INPP5A: variants seen among roughly 807,000 people sequenced by gnomAD.
The protein encoded by INPP5A is 43 kDa inositol polyphosphate 5-phophatase.
INPP5A carries 14 observed loss-of-function variants against 65.2 expected under a neutral mutation model. The ratio of observed to expected loss-of-function variants is 0.21; its 90% CI spans 0.14 to 0.34. The LOEUF (loss-of-function observed/expected upper bound fraction) is 0.34, where lower values mean the gene tolerates loss of function less well. Ranked by LOEUF, INPP5A falls within the 10% of genes least tolerant of loss-of-function variation. The pLI, the probability that INPP5A is intolerant of heterozygous loss-of-function variation, is 1.00. For synonymous variants in INPP5A, 207 were observed against 208.3 expected (o/e 0.99, Z 0.05); for missense variants, 431 against 545.6 (o/e 0.79, Z 2.09).
intron 2 of INPP5A, among the ~76,000 whole-genome samples, chr10:132,632,961 C>T (rs1189608601): frequency 6.6e-6 from 1 of 152,220 alleles, no homozygotes; most frequent in South Asian, 2.1e-4. Flanking sequence ...AGGGCAGTCC[C>T]AGGGCCTCGC....
chr10:132,754,797 T>C (rs958215034), intron 11 of INPP5A, among the ~76,000 whole-genome samples: 2 of 152,222 alleles, frequency 1.3e-5, no homozygotes, highest in South Asian at 2.1e-4. Context: ...GCCTGCTCCT[T>C]CTTCCTGGAG....
chr10:132,542,402 G>A (rs897476624), intron 1 of INPP5A, among the ~76,000 whole-genome samples: 22 of 152,102 alleles, frequency 1.4e-4, no homozygotes, highest in Non-Finnish European at 1.5e-5. Flanking sequence ...TATGGAGTCG[G>A]TGATGGTCAG....
intron 11 of INPP5A, among the ~76,000 whole-genome samples, chr10:132,760,232 C>T (rs1846707559): frequency 6.6e-6 from 1 of 152,272 alleles, no homozygotes; most frequent in South Asian, 2.1e-4. Context: ...TGGTAAGGCA[C>T]AGCCCGGGCC....
chr10:132,782,122 A>G lies in INPP5A; in HGVS notation c.*93A>G. 3 of 1,531,296 alleles carry G rather than the reference A, an allele frequency of 2.0e-6. No individual in the cohort carries two copies. The highest frequency in any genetic ancestry group is 2.5e-5 in the East Asian group (1 of 39,786). 94.9% of individuals were successfully genotyped at this position (1,531,296 alleles called of 1,614,324 possible). On this transcript the variant is annotated 3_prime_UTR_variant, in exon 16 of 16. Coordinates refer to ENST00000368594, the MANE Select transcript of INPP5A (RefSeq NM_005539.5). This position sits in a 1 kb window ranked among gnomAD's most constrained non-coding sequence, Gnocchi z 4.4. ...ATACGCACTCTTGAAAGCTGCATCG[A>G]GAACCCGCCCAAGCGCCACCTGCTA...
chr10:132,724,584 C>G (rs373369141), intron 8 of INPP5A, among the ~76,000 whole-genome samples: 1 of 151,738 alleles, frequency 6.6e-6, no homozygotes, highest in Non-Finnish European at 1.5e-5. Flanking sequence ...CCAGAACTCA[C>G]AAGGAGGCCC....
At position 132,584,333 on chromosome 10, in the gene INPP5A, G is replaced by A. The variant is rs543185543; in HGVS notation, c.76-23582G>A. Among the ~76,000 whole-genome samples, 62 of 152,298 alleles carry A rather than the reference G, an allele frequency of 4.1e-4. 2 individuals are homozygous for A. The South Asian group carries it at 0.012, about 30-fold the overall frequency. ...GATTGATGCTGTTTCTTCTTTAGGT[G>A]TTTAATGGAATTTACCAGTGAAACC... On this transcript the variant is annotated intron_variant, in intron 1 of 15. Transcript: ENST00000368594.
In INPP5A at chr10:132,545,036, G is replaced by A. The variant is rs967990757; in HGVS notation, c.75+6865G>A. On this transcript the variant is annotated intron_variant, in intron 1 of 15. Transcript: ENST00000368594. This position sits in a 1 kb window ranked among gnomAD's most constrained non-coding sequence, Gnocchi z 4.6. ...GTGTTGGGAGAATGTCTGCACGTAG[G>A]CGTGGTCACGTCCGTCCCTGTTGCC... Among the ~76,000 whole-genome samples the A allele has an allele frequency of 4.6e-5, 7 of 152,188 alleles. No homozygotes were observed. The highest frequency in any genetic ancestry group is 1.2e-4 in the African/African-American group (5 of 41,434).
Position 132,710,497 on chromosome 10 carries a change from G to C in INPP5A, c.647+41G>C, listed in dbSNP as rs376034352. 23 of 1,600,160 alleles carry C rather than the reference G, an allele frequency of 1.4e-5. No individual in the cohort carries two copies. In the Admixed American group the frequency reaches 2.4e-4, roughly 17 times the overall value. Reference sequence around the variant, plus strand: ...CAGGTAGGCGTGGGCCGGGCAAGTAGGTGTGCTGGGCAGGCAGGTGTGAGT... The same window carrying C: ...CAGGTAGGCGTGGGCCGGGCAAGTACGTGTGCTGGGCAGGCAGGTGTGAGT... On this transcript the variant is annotated intron_variant, in intron 8 of 15. Transcript: ENST00000368594.
chr10:132,672,080 G>A (rs571101088), intron 4 of INPP5A, among the ~76,000 whole-genome samples: 30 of 152,348 alleles, frequency 2.0e-4, no homozygotes, highest in African/African-American at 7.2e-4. Context: ...TCCCAAGGAT[G>A]TAGGGAGAGA....
chr10:132,711,488 G>A (rs1296275162), intron 8 of INPP5A, among the ~76,000 whole-genome samples: 1 of 152,162 alleles, frequency 6.6e-6, no homozygotes, highest in East Asian at 1.9e-4. Flanking sequence ...ATGAACACAG[G>A]CCTGAGACCA....
At chr10:132,567,706 CT>C (rs1220370370) in intron 1 of INPP5A, among the ~76,000 whole-genome samples, 1 of 152,230 alleles carries the variant, frequency 6.6e-6, no homozygotes, top group African/African-American at 2.4e-5. Context: ...GCTTTTGCCC[CT>C]GTGGCCTGAA....
At chr10:132,749,705 G>T (rs1846438284) in intron 10 of INPP5A, 66 bp from the exon 11 acceptor site, 1 of 1,596,418 alleles carries the variant, frequency 6.3e-7, no homozygotes, top group Non-Finnish European at 8.6e-7. Flanking sequence ...CCGGTTCGGT[G>T]GGGGCTAGGG....
At chr10:132,761,900 A>G (rs1846740412) in intron 11 of INPP5A, among the ~76,000 whole-genome samples, 1 of 152,254 alleles carries the variant, frequency 6.6e-6, no homozygotes, top group Non-Finnish European at 1.5e-5. Flanking sequence ...ATAATATTGT[A>G]AATTATTAAA....
chr10:132,632,787 C>T (rs571590608), intron 2 of INPP5A, among the ~76,000 whole-genome samples: 1 of 152,238 alleles, frequency 6.6e-6, no homozygotes, highest in African/African-American at 2.4e-5. Context: ...TGTACTGTTA[C>T]GTATGATCTT....
rs1590903287 is a variant in INPP5A at position 132,659,732 on chromosome 10, A to G, written c.306+9227A>G. ...TTGGCAGGCGGCAACCTTGCCTGGCACTCACCAGGGCCTCCTCCCCAGCAC... is the reference window on the plus strand; with the variant it reads ...TTGGCAGGCGGCAACCTTGCCTGGCGCTCACCAGGGCCTCCTCCCCAGCAC... On this transcript the variant is annotated intron_variant, in intron 4 of 15. Coordinates refer to ENST00000368594, the MANE Select transcript of INPP5A (RefSeq NM_005539.5). The surrounding 1 kb of genome is among the most constrained non-coding windows in gnomAD (Gnocchi z 5.5). 6.6e-6 allele frequency among the ~76,000 whole-genome samples: 1 copy of G among 152,134 alleles called. No homozygotes were observed. Among genetic ancestry groups the G allele is most frequent in the Admixed American group, 6.5e-5 (1 of 15,280 alleles).
intron 8 of INPP5A, among the ~76,000 whole-genome samples, chr10:132,715,085 C>A (rs1319635576): frequency 6.6e-6 from 1 of 152,182 alleles, no homozygotes; most frequent in Admixed American, 6.5e-5. Context: ...AGCCCCGGTC[C>A]CTCTCCTGGA....
intron 2 of INPP5A, among the ~76,000 whole-genome samples, chr10:132,630,177 C>T (rs1464233976): frequency 6.6e-6 from 1 of 152,156 alleles, no homozygotes; most frequent in Non-Finnish European, 1.5e-5. Context: ...AAAAGGCGTC[C>T]ATGAGGGTAA....
chr10:132,543,813 C>T (rs773815279), intron 1 of INPP5A, among the ~76,000 whole-genome samples: 3 of 152,252 alleles, frequency 2.0e-5, no homozygotes, highest in African/African-American at 4.8e-5. Context: ...TGGCCTGTTC[C>T]CTCCTTCCGG....
chr10:132,681,485 C>A (rs755541258), intron 4 of INPP5A, among the ~76,000 whole-genome samples: 1 of 152,214 alleles, frequency 6.6e-6, no homozygotes, highest in Non-Finnish European at 1.5e-5. Context: ...TCAGAAGGAA[C>A]AAACCCCGGA....
Sources: gnomAD v4.1 joint callset for allele counts (sites outside exome capture counted in the v4.1 genomes callset) on GRCh38, gnomAD v4.1.1 for gene constraint, Gnocchi (gnomAD v3.1) non-coding constraint, MANE v1.5 for transcripts, NCBI Gene and HGNC (gene_info 2026-07-23, HGNC 2026-07-21) for gene names.